Variants in EXOC6 observed in about 807,000 individuals in gnomAD.
The protein encoded by EXOC6 is SEC15-like 1.
Under a neutral mutation model 112.5 loss-of-function variants are expected in EXOC6, and 60 were observed. The ratio of observed to expected loss-of-function variants is 0.53; its 90% CI spans 0.43 to 0.66. EXOC6 has a LOEUF of 0.66. Ranked by LOEUF, EXOC6 falls within the 30% of genes least tolerant of loss-of-function variation. The pLI is 0.00. For missense variants in EXOC6, 855 were observed against 957.1 expected, an observed-to-expected ratio of 0.89 and a Z score of 1.41; for synonymous variants, 295 against 308.0, an observed-to-expected ratio of 0.96 and a Z score of 0.44.
upstream of EXOC6, among the ~76,000 whole-genome samples, chr10:92,847,349 G>T (rs1322580838): frequency 6.6e-6 from 1 of 152,176 alleles, no homozygotes; most frequent in South Asian, 2.1e-4. Context: ...ATTAATCCAA[G>T]AATTAATGTC....
chr10:93,037,960 A>C (rs527995310), intron 20 of EXOC6, among the ~76,000 whole-genome samples: 1 of 149,286 alleles, frequency 6.7e-6, no homozygotes, highest in South Asian at 2.1e-4. Context: ...GAATGGCGTG[A>C]ACCCGGGAGG....
chr10:92,858,112 T>C (rs186481104), intron 1 of EXOC6, among the ~76,000 whole-genome samples: 1 of 150,788 alleles, frequency 6.6e-6, no homozygotes, highest in African/African-American at 2.4e-5. Flanking sequence ...GTTAATCTTA[T>C]TGGAATTCCC....
intron 19 of EXOC6, among the ~76,000 whole-genome samples, chr10:93,008,384 A>T (rs1844090149): frequency 6.6e-6 from 1 of 152,194 alleles, no homozygotes; most frequent in Non-Finnish European, 1.5e-5. Flanking sequence ...ACCAGGATCA[A>T]TGTGTGTTAT....
At chr10:93,039,541 T>G (rs1217563676) in intron 20 of EXOC6, among the ~76,000 whole-genome samples, 1 of 152,236 alleles carries the variant, frequency 6.6e-6, no homozygotes, top group African/African-American at 2.4e-5. Context: ...TAGAGGCTTC[T>G]CTTCCCTTTT....
chr10:92,910,703 G>A (rs1007417197), intron 6 of EXOC6, among the ~76,000 whole-genome samples: 1 of 152,154 alleles, frequency 6.6e-6, no homozygotes, highest in Non-Finnish European at 1.5e-5. Context: ...GGCAAGGCGG[G>A]CAGATCACGA....
At chr10:92,888,630 G>C (rs979967745) in intron 1 of EXOC6, among the ~76,000 whole-genome samples, 1 of 151,998 alleles carries the variant, frequency 6.6e-6, no homozygotes, top group East Asian at 1.9e-4. Context: ...AATTCTTTTG[G>C]TGTATTTTGT....
chr10:93,039,203 T>A (rs1400544583), intron 20 of EXOC6, among the ~76,000 whole-genome samples: 1 of 152,212 alleles, frequency 6.6e-6, no homozygotes, highest in African/African-American at 2.4e-5. Flanking sequence ...GAGACTACCA[T>A]TTATAGCATT....
chr10:92,890,412 TAATG>T (rs1178962575), intron 1 of EXOC6, among the ~76,000 whole-genome samples: 1 of 148,194 alleles, frequency 6.7e-6, no homozygotes, highest in African/African-American at 2.5e-5. Context: ...ATGCATTTAT[TAATG>T]AATTATTTAT....
chr10:92,832,210 T>C (rs1037134861), upstream of EXOC6, among the ~76,000 whole-genome samples: 3 of 152,238 alleles, frequency 2.0e-5, no homozygotes, highest in Non-Finnish European at 4.4e-5. Flanking sequence ...ACTCAGCTAG[T>C]AGCTTTCACA....
intron 1 of EXOC6, among the ~76,000 whole-genome samples, 176 bp downstream of exon 1, chr10:92,848,810 C>A (rs1286638374): frequency 6.6e-6 from 1 of 151,786 alleles, no homozygotes; most frequent in Non-Finnish European, 1.5e-5. Context: ...CGGGCGGGAC[C>A]GAGAAGGCGG....
At position 93,019,731 on chromosome 10, in the gene EXOC6, G is replaced by T. The variant is rs574946169; in HGVS notation, c.2169+5464G>T. Among the ~76,000 whole-genome samples, 4 of 152,270 alleles carry T rather than the reference G, an allele frequency of 2.6e-5. No homozygotes were observed. In the East Asian group the frequency reaches 7.7e-4, roughly 29 times the overall value. ...GTTCCCTTATAAGGTTCCTGACCTTGGGATAAGTAAAAAATGTCACTTTCT... is the reference window on the plus strand; with the variant it reads ...GTTCCCTTATAAGGTTCCTGACCTTTGGATAAGTAAAAAATGTCACTTTCT... On this transcript the variant is annotated intron_variant, in intron 20 of 21. Transcript: ENST00000260762.
chr10:92,913,355 C>A (rs924400845), intron 6 of EXOC6, among the ~76,000 whole-genome samples: 4 of 152,170 alleles, frequency 2.6e-5, no homozygotes, highest in African/African-American at 9.7e-5. Context: ...TTTTCCTTAT[C>A]TGTATTCTCT....
chr10:92,851,596 G>A (rs1054524607), intron 1 of EXOC6, among the ~76,000 whole-genome samples: 10 of 152,034 alleles, frequency 6.6e-5, no homozygotes, highest in African/African-American at 9.7e-5. Flanking sequence ...GTTGCAGTGA[G>A]CCGAGATTAT....
At chr10:93,005,754 G>T (rs1564903974) in intron 19 of EXOC6, among the ~76,000 whole-genome samples, 2 of 152,164 alleles carry the variant, frequency 1.3e-5, no homozygotes, top group African/African-American at 2.4e-5. Context: ...ATTAGAAAAG[G>T]CATTAGAATA....
At chr10:92,963,634 C>T (rs758386205) in intron 17 of EXOC6, among the ~76,000 whole-genome samples, 8 of 150,592 alleles carry the variant, frequency 5.3e-5, no homozygotes, top group Middle Eastern at 3.5e-3. Flanking sequence ...ATTACAGTTG[C>T]GTACCATCTT....
intron 20 of EXOC6, among the ~76,000 whole-genome samples, chr10:93,043,497 G>A (rs1418326216): frequency 6.6e-6 from 1 of 152,134 alleles, no homozygotes. Context: ...CTGTGTTGAG[G>A]GCACTGGGCC....
At chr10:93,038,516 A>T (rs1484815915) in intron 20 of EXOC6, among the ~76,000 whole-genome samples, 1 of 152,214 alleles carries the variant, frequency 6.6e-6, no homozygotes, top group African/African-American at 2.4e-5. Context: ...AATTTCCCTG[A>T]AAGTCAACTT....
intron 9 of EXOC6, among the ~76,000 whole-genome samples, chr10:92,930,931 G>A (rs974316796): frequency 6.6e-6 from 1 of 151,914 alleles, no homozygotes; most frequent in Non-Finnish European, 1.5e-5. Context: ...AGCAAACATG[G>A]TGAAACCCCG....
chr10:92,896,241 A>G (rs1228555374), intron 4 of EXOC6, among the ~76,000 whole-genome samples: 1 of 107,936 alleles, frequency 9.3e-6, no homozygotes, highest in East Asian at 3.2e-4. Flanking sequence ...TCTATCTCCC[A>G]GGCTGGAGTG....
Sources: gnomAD v4.1 joint callset for allele counts (sites outside exome capture counted in the v4.1 genomes callset) on GRCh38, gnomAD v4.1.1 for gene constraint, MANE v1.5 for transcripts, NCBI Gene and HGNC (gene_info 2026-07-23, HGNC 2026-07-21) for gene names.